The following HEXB variants were observed in gnomAD, a reference collection of about 807,000 sequenced individuals.
The protein encoded by HEXB is beta-hexosaminidase subunit beta.
HEXB carries 51 observed loss-of-function variants against 71.2 expected under a neutral mutation model. The ratio of observed to expected loss-of-function variants is 0.72; its 90% confidence interval spans 0.57 to 0.90. The LOEUF is 0.90. HEXB is among the 40% of genes least tolerant of loss of function. The probability of loss-of-function intolerance (pLI) is 0.00; values close to 1 mark genes in which losing one functional copy is unlikely to be tolerated. For synonymous variants in HEXB, 266 were observed against 249.3 expected (o/e 1.07, Z -0.63); for missense variants, 617 against 677.0 (o/e 0.91, Z 0.98).
Position 74,685,320 on chromosome 5 carries a change from G to GGCGCTGCTGTTGGCC in HEXB, c.60_61insGCGCTGCTGTTGGCC (p.Ala16_Ala20dup). The GGCGCTGCTGTTGGCC allele has an allele frequency of 1.3e-6, 2 of 1,572,578 alleles. No homozygotes were observed. The highest frequency in any genetic ancestry group is 1.7e-6 in the Non-Finnish European group (2 of 1,161,594). On this transcript the variant is annotated inframe_insertion, in exon 1 of 14. Coordinates refer to ENST00000261416, the MANE Select transcript of HEXB (RefSeq NM_000521.4). ...CCATGCTGCTGGCGCTGCTGTTGGC[G>GGCGCTGCTGTTGGCC]ACACTGCTGGCGGCGATGTTGGCGC... is the stretch of plus-strand genomic sequence containing the variant.
chr5:74,702,478 A>G (rs1012400804), intron 5 of HEXB, among the ~76,000 whole-genome samples: 1 of 152,144 alleles, frequency 6.6e-6, no homozygotes, highest in Non-Finnish European at 1.5e-5. Context: ...ATATTCAGTT[A>G]TGCATTTTTG....
chr5:74,654,527 T>A (rs375430705), intron 1 of HEXB, among the ~76,000 whole-genome samples: 1 of 152,038 alleles, frequency 6.6e-6, no homozygotes, highest in East Asian at 1.9e-4. Flanking sequence ...GTTAAGAGGG[T>A]CCAATATATA....
chr5:74,694,606 C>T lies in HEXB; in HGVS notation c.511+902C>T, dbSNP rs189632242. On this transcript the variant is annotated intron_variant, in intron 3 of 13. Coordinates refer to ENST00000261416, the MANE Select transcript of HEXB (RefSeq NM_000521.4). ...GCAGATAAGATACTGTACTGACTTC[C>T]GAATAGCAGAGTTTTTAGAAAGGGA... 7.9e-5 allele frequency among the ~76,000 whole-genome samples: 12 copies of T among 152,050 alleles called. No individual in the cohort carries two copies. The East Asian group carries it at 1.7e-3, about 22-fold the overall frequency.
At chr5:74,650,948 G>T (rs1346496746) in intron 1 of HEXB, among the ~76,000 whole-genome samples, 6 of 139,156 alleles carry the variant, frequency 4.3e-5, no homozygotes. Context: ...AAAAAAAAAG[G>T]CAACTGCAAA....
rs1427483543 is a variant in HEXB at position 74,641,351 on chromosome 5, C to T, written c.-377+793C>T. On this transcript the variant is annotated intron_variant, in intron 1 of 13. Coordinates refer to the HEXB transcript ENST00000511181. This position sits in a 1 kb window ranked among gnomAD's most constrained non-coding sequence, Gnocchi z 4.1. Reference sequence around the variant, plus strand: ...TCTTGCTGGCAGAGAGCCAAAGAGACTCCAGCCCCAGGCATTTCCTATGTG... The same window carrying T: ...TCTTGCTGGCAGAGAGCCAAAGAGATTCCAGCCCCAGGCATTTCCTATGTG... 3 of 152,394 alleles carry T rather than the reference C, an allele frequency of 2.0e-5. No homozygotes were observed. The highest frequency in any genetic ancestry group is 7.2e-5 in the African/African-American group (3 of 41,436). The allele number at this position is 152,394 out of a possible 1,614,324, so 9.4% of individuals were successfully genotyped here.
intron 6 of HEXB, among the ~76,000 whole-genome samples, chr5:74,712,476 A>G (rs1378958908): frequency 6.6e-6 from 1 of 152,146 alleles, no homozygotes; most frequent in Non-Finnish European, 1.5e-5. Flanking sequence ...AAAAATTCAC[A>G]TTTCTCCAAC....
intron 1 of HEXB, among the ~76,000 whole-genome samples, chr5:74,677,694 T>C (rs914882353): frequency 6.6e-6 from 1 of 152,064 alleles, no homozygotes; most frequent in Non-Finnish European, 1.5e-5. Context: ...TAAGTCTTTT[T>C]TTATTATTAT....
chr5:74,670,413 C>G (rs2112101320), intron 1 of HEXB, among the ~76,000 whole-genome samples: 1 of 152,240 alleles, frequency 6.6e-6, no homozygotes, highest in African/African-American at 2.4e-5. Flanking sequence ...TATTCTCCAC[C>G]CTCCTCGCCC....
chr5:74,702,164 C>T (rs561812183), intron 5 of HEXB, among the ~76,000 whole-genome samples: 27 of 144,820 alleles, frequency 1.9e-4, no homozygotes, highest in South Asian at 1.6e-3. Context: ...CTGCAAGCTC[C>T]GCCTCCCGGG....
At chr5:74,662,008 T>C (rs1748336034) in intron 1 of HEXB, among the ~76,000 whole-genome samples, 1 of 152,218 alleles carries the variant, frequency 6.6e-6, no homozygotes, top group Admixed American at 6.5e-5. Context: ...GAGGAATAGA[T>C]ACTCTTTCCA....
intron 7 of HEXB, among the ~76,000 whole-genome samples, chr5:74,714,130 T>C (rs1030968184): frequency 2.6e-5 from 4 of 152,202 alleles, no homozygotes; most frequent in Admixed American, 1.3e-4. Context: ...CCACTGCGCC[T>C]GGCCAGGAGT....
chr5:74,666,681 C>T (rs820853), intron 1 of HEXB, among the ~76,000 whole-genome samples: 90,122 of 152,002 alleles, frequency 0.59, 26,872 homozygotes, highest in African/African-American at 0.62. Flanking sequence ...CAGTCATTGC[C>T]GCTAATTAGA....
At chr5:74,695,467 T>C (rs983276267) in intron 3 of HEXB, among the ~76,000 whole-genome samples, 24 of 150,852 alleles carry the variant, frequency 1.6e-4, no homozygotes, top group African/African-American at 5.6e-4. Flanking sequence ...CCTCCCAAAG[T>C]GCTGGGATTA....
intron 1 of HEXB, among the ~76,000 whole-genome samples, chr5:74,651,223 C>T (rs567536155): frequency 2.0e-5 from 3 of 152,306 alleles, no homozygotes; most frequent in East Asian, 1.9e-4. Context: ...CCCAGGATCA[C>T]ATATTTGCTA....
At chr5:74,702,537 G>A (rs1050995090) in intron 5 of HEXB, among the ~76,000 whole-genome samples, 2 of 152,124 alleles carry the variant, frequency 1.3e-5, no homozygotes, top group African/African-American at 2.4e-5. Flanking sequence ...TGCTTATCAG[G>A]TGACACAATG....
rs111912733 is a variant in HEXB, at chr5:74,686,751, T to C, written c.299+1192T>C. 8.6e-3 allele frequency among the ~76,000 whole-genome samples: 1,314 copies of C among 152,286 alleles called. 8 individuals are homozygous for C. The highest frequency in any genetic ancestry group is 0.014 in the Non-Finnish European group (958 of 68,014). On this transcript the variant is annotated intron_variant, in intron 1 of 13. Transcript: ENST00000261416. ...TGCTAAGGCCAGAGTGGGGTTAAGA[T>C]GTAGAACCAAAGTGTTTGGTTGCAT...
intron 5 of HEXB, among the ~76,000 whole-genome samples, chr5:74,701,716 T>A (rs895219262): frequency 6.6e-6 from 1 of 152,210 alleles, no homozygotes; most frequent in Admixed American, 6.5e-5. Context: ...TACTCCACTT[T>A]AAAATTTTTA....
At chr5:74,672,214 G>A (rs181950358) in intron 1 of HEXB, among the ~76,000 whole-genome samples, 11 of 152,262 alleles carry the variant, frequency 7.2e-5, no homozygotes, top group African/African-American at 1.2e-4. Context: ...TACACACTGC[G>A]AGCCCTTCAG....
intron 1 of HEXB, among the ~76,000 whole-genome samples, chr5:74,687,224 A>G (rs820885): frequency 0.67 from 102,283 of 152,120 alleles, 35,020 homozygotes; most frequent in Non-Finnish European, 0.74. Flanking sequence ...AGGAACTCAG[A>G]AGGAGCAGCA....
Sources: gnomAD v4.1 joint callset for allele counts (sites outside exome capture counted in the v4.1 genomes callset) on GRCh38, gnomAD v4.1.1 for gene constraint, Gnocchi (gnomAD v3.1) non-coding constraint, MANE v1.5 for transcripts, NCBI Gene and HGNC (gene_info 2026-07-23, HGNC 2026-07-21) for gene names.